PLEKHG1: variants seen among roughly 807,000 people sequenced by gnomAD.
PLEKHG1 encodes pleckstrin homology domain-containing family G member 1.
Under a neutral mutation model 100.8 loss-of-function variants are expected in PLEKHG1, and 44 were observed. That is an observed-to-expected ratio of 0.44 (90% CI 0.34 to 0.56). PLEKHG1 has a LOEUF of 0.56. Ranked by LOEUF, PLEKHG1 falls within the 20% of genes least tolerant of loss-of-function variation. PLEKHG1 has a pLI of 0.01. For missense variants in PLEKHG1, 1,545 were observed against 1,720.9 expected (o/e 0.90, Z 1.81); for synonymous variants, 640 against 662.5 (o/e 0.97, Z 0.52).
rs144130415 is a variant in PLEKHG1 at position 150,709,189 on chromosome 6, C to T, written c.-98-24395C>T. Among the ~76,000 whole-genome samples, 1,039 of 152,094 alleles carry T rather than the reference C, an allele frequency of 6.8e-3. 9 individuals are homozygous for T. Among genetic ancestry groups the T allele is most frequent in the African/African-American group, 0.024 (985 of 41,452 alleles). ...TCTACTAAAAATACAAAACATTAGC[C>T]GGGCATGGTGGTGGGAGCCTGTAGT... On this transcript the variant is annotated intron_variant, in intron 3 of 3. Transcript: ENST00000367326.
chr6:150,707,658 C>G (rs1172122231), intron 3 of PLEKHG1, among the ~76,000 whole-genome samples: 2 of 152,008 alleles, frequency 1.3e-5, no homozygotes, highest in African/African-American at 4.8e-5. Flanking sequence ...CCCAAGCCCC[C>G]CAAAAATCTG....
intron 1 of PLEKHG1, among the ~76,000 whole-genome samples, chr6:150,722,644 G>A (rs556871169): frequency 9.8e-4 from 149 of 152,212 alleles, no homozygotes; most frequent in Non-Finnish European, 1.8e-3. Flanking sequence ...GAGCCACTGC[G>A]CCCTGCCTCT....
At chr6:150,756,275 C>A (rs1183271157) in intron 2 of PLEKHG1, among the ~76,000 whole-genome samples, 1 of 152,214 alleles carries the variant, frequency 6.6e-6, no homozygotes, top group Admixed American at 6.5e-5. Flanking sequence ...TGCACGGTGC[C>A]TCTGCCTGCT....
intron 2 of PLEKHG1, among the ~76,000 whole-genome samples, chr6:150,746,044 G>C (rs1046313331): frequency 6.6e-6 from 1 of 152,158 alleles, no homozygotes; most frequent in Non-Finnish European, 1.5e-5. Flanking sequence ...CTTATGCCTT[G>C]TCAACGGGGA....
At position 150,703,612 on chromosome 6, in the gene PLEKHG1, A is replaced by C. The variant is rs547027908; in HGVS notation, c.-98-29972A>C. On this transcript the variant is annotated intron_variant, in intron 3 of 3. Coordinates refer to the PLEKHG1 transcript ENST00000367326. Reference sequence around the variant, plus strand: ...CAAGACTCCATCTTAAAAAAAAAAAAAACAAAACAACTTTTTTCTACTTGA... The same window carrying C: ...CAAGACTCCATCTTAAAAAAAAAAACAACAAAACAACTTTTTTCTACTTGA... Among the ~76,000 whole-genome samples, 12 of 146,108 alleles carry C rather than the reference A, an allele frequency of 8.2e-5. 1 individual carries two copies. The South Asian group carries it at 2.6e-3, about 31-fold the overall frequency.
At chr6:150,655,939 G>A (rs991288247) in intron 3 of PLEKHG1, among the ~76,000 whole-genome samples, 3 of 151,936 alleles carry the variant, frequency 2.0e-5, no homozygotes, top group Non-Finnish European at 4.4e-5. Flanking sequence ...ACACACCAGG[G>A]CCTGTGGGGG....
intron 2 of PLEKHG1, among the ~76,000 whole-genome samples, chr6:150,735,250 T>G (rs1311356002): frequency 6.6e-6 from 1 of 150,964 alleles, no homozygotes; most frequent in African/African-American, 2.4e-5. Flanking sequence ...CCTCCCAAAG[T>G]GCTGGGATTA....
At chr6:150,794,511 C>G (rs1209002004) in intron 4 of PLEKHG1, among the ~76,000 whole-genome samples, 2 of 151,934 alleles carry the variant, frequency 1.3e-5, no homozygotes, top group African/African-American at 2.4e-5. Context: ...ACTAAAAATA[C>G]AAAAAATTAG....
intron 10 of PLEKHG1, among the ~76,000 whole-genome samples, chr6:150,817,539 G>A (rs1355299944): frequency 6.6e-5 from 10 of 151,376 alleles, no homozygotes; most frequent in Non-Finnish European, 8.8e-5. Context: ...TCAGGGTTGG[G>A]TGGCAAGAAT....
intron 3 of PLEKHG1, among the ~76,000 whole-genome samples, chr6:150,697,222 C>G (rs1241678016): frequency 6.6e-6 from 1 of 152,098 alleles, no homozygotes; most frequent in African/African-American, 2.4e-5. Flanking sequence ...AGAGTAGAAC[C>G]ATTACAAACA....
At chr6:150,665,447 G>A (rs868811915) in intron 3 of PLEKHG1, among the ~76,000 whole-genome samples, 21 of 152,102 alleles carry the variant, frequency 1.4e-4, no homozygotes, top group African/African-American at 3.9e-4. Flanking sequence ...TGGCTAACAC[G>A]GTGAAACCCT....
chr6:150,759,223 G>A (rs1057332510), intron 2 of PLEKHG1, among the ~76,000 whole-genome samples: 3 of 152,192 alleles, frequency 2.0e-5, no homozygotes, highest in African/African-American at 7.2e-5. Flanking sequence ...GGTGTGCTTG[G>A]CTGAAGGAAA....
intron 1 of PLEKHG1, among the ~76,000 whole-genome samples, chr6:150,613,276 T>C (rs1776926229): frequency 6.6e-6 from 1 of 152,216 alleles, no homozygotes; most frequent in African/African-American, 2.4e-5. Flanking sequence ...GACCATACTT[T>C]ATAACATGCA....
rs971621773 is a variant in PLEKHG1 at position 150,683,222 on chromosome 6, T to C, written c.-99+32436T>C. On this transcript the variant is annotated intron_variant, in intron 3 of 3. Coordinates refer to the PLEKHG1 transcript ENST00000367326. The surrounding 1 kb of genome is among the most constrained non-coding windows in gnomAD (Gnocchi z 4.0). ...TATATTTATGAAATTTAGAGAATAG[T>C]TGTCAACTCGTCATGATAGGACATT... is the stretch of plus-strand genomic sequence containing the variant. 1.3e-5 allele frequency among the ~76,000 whole-genome samples: 2 copies of C among 152,232 alleles called. No homozygotes were observed. Among genetic ancestry groups the C allele is most frequent in the Non-Finnish European group, 2.9e-5 (2 of 68,046 alleles).
At chr6:150,840,029 C>G (rs371855535) in exon 16 of PLEKHG1, 4 of 1,614,030 alleles carry the variant, frequency 2.5e-6, no homozygotes, top group Non-Finnish European at 3.4e-6. Context: ...TAGCAGATTT[C>G]TGTCTCCCAC....
At chr6:150,697,108 A>AAAGAAG (rs1554260990) in intron 3 of PLEKHG1, among the ~76,000 whole-genome samples, 64 of 147,252 alleles carry the variant, frequency 4.3e-4, no homozygotes, top group South Asian at 8.4e-4. Context: ...AGAAAAAAAA[A>AAAGAAG]AAGAAGAAGA....
At chr6:150,811,047 G>A (rs961685383) in intron 10 of PLEKHG1, among the ~76,000 whole-genome samples, 3 of 152,150 alleles carry the variant, frequency 2.0e-5, no homozygotes, top group African/African-American at 7.2e-5. Flanking sequence ...ACCTATGGGT[G>A]TAAAGCTGTG....
At chr6:150,828,789 T>A (rs1361801083) in intron 14 of PLEKHG1, among the ~76,000 whole-genome samples, 2 of 152,228 alleles carry the variant, frequency 1.3e-5, no homozygotes, top group Non-Finnish European at 2.9e-5. Context: ...TAGTTAATAT[T>A]AACCTTGTTT....
At chr6:150,772,742 A>G (rs1361299320) in intron 3 of PLEKHG1, among the ~76,000 whole-genome samples, 2 of 152,188 alleles carry the variant, frequency 1.3e-5, no homozygotes, top group Non-Finnish European at 2.9e-5. Flanking sequence ...TGCTGTGTAT[A>G]TTATCCATTG....
Sources: gnomAD v4.1 joint callset for allele counts (sites outside exome capture counted in the v4.1 genomes callset) on GRCh38, gnomAD v4.1.1 for gene constraint, Gnocchi (gnomAD v3.1) non-coding constraint, MANE v1.5 for transcripts, NCBI Gene and HGNC (gene_info 2026-07-23, HGNC 2026-07-21) for gene names.